Variants in ZEB1 observed in about 807,000 individuals in gnomAD.
The protein encoded by ZEB1 is zinc finger E-box-binding homeobox 1.
In ZEB1, 21 loss-of-function variants were observed where a neutral mutation model predicts 84.9. That is an observed-to-expected ratio of 0.25 (90% confidence interval 0.18 to 0.36). The LOEUF (loss-of-function observed/expected upper bound fraction) is 0.36, where lower values mean the gene tolerates loss of function less well. ZEB1 is among the 10% of genes least tolerant of loss of function. The pLI, the probability that ZEB1 is intolerant of heterozygous loss-of-function variation, is 1.00. For synonymous variants in ZEB1, 420 were observed against 471.1 expected, an observed-to-expected ratio of 0.89 and a Z score of 1.41; for missense variants, 1,104 against 1,330.2, an observed-to-expected ratio of 0.83 and a Z score of 2.65.
chr10:31,451,336 A>G (rs2137053354), intron 1 of ZEB1, among the ~76,000 whole-genome samples: 1 of 152,260 alleles, frequency 6.6e-6, no homozygotes, highest in African/African-American at 2.4e-5. Context: ...TTTTTTCTCT[A>G]GGATTAAGTA....
upstream of ZEB1, chr10:31,318,558 G>C (rs1276628999): frequency 6.5e-6 from 1 of 153,136 alleles, no homozygotes; most frequent in African/African-American, 2.4e-5. Context: ...GGAAGGGAAG[G>C]GAGTCCGGGC....
At chr10:31,404,157 C>G (rs149534) in intron 1 of ZEB1, among the ~76,000 whole-genome samples, 1 of 151,658 alleles carries the variant, frequency 6.6e-6, no homozygotes, top group African/African-American at 2.4e-5. Flanking sequence ...AAATTTATGA[C>G]TGAAGATTAT....
intron 2 of ZEB1, among the ~76,000 whole-genome samples, chr10:31,485,443 T>G (rs562060820): frequency 1.7e-4 from 26 of 152,034 alleles, no homozygotes; most frequent in African/African-American, 6.3e-4. Context: ...CGTTTGCCCT[T>G]ATCCACTGCC....
intron 1 of ZEB1, among the ~76,000 whole-genome samples, chr10:31,456,627 G>A (rs1447631494): frequency 6.6e-6 from 1 of 152,108 alleles, no homozygotes; most frequent in Admixed American, 6.6e-5. Context: ...AATGAAGTAT[G>A]TAGGCTGTGG....
intron 1 of ZEB1, among the ~76,000 whole-genome samples, chr10:31,449,782 A>T (rs1172386381): frequency 6.6e-6 from 1 of 152,136 alleles, no homozygotes; most frequent in African/African-American, 2.4e-5. Flanking sequence ...TTTCCTGAGT[A>T]TTTTAATGTG....
At chr10:31,434,382 TACTTA>T (rs1249376111) in intron 1 of ZEB1, among the ~76,000 whole-genome samples, 11 of 152,328 alleles carry the variant, frequency 7.2e-5, no homozygotes, top group African/African-American at 1.9e-4. Flanking sequence ...CTAGATAAAT[TACTTA>T]ACTTATTTGG....
At chr10:31,438,039 A>G (rs2058484047) in intron 1 of ZEB1, among the ~76,000 whole-genome samples, 1 of 152,234 alleles carries the variant, frequency 6.6e-6, no homozygotes, top group South Asian at 2.1e-4. Context: ...GGTTGAAACT[A>G]TTTAAATAAT....
intron 1 of ZEB1, among the ~76,000 whole-genome samples, chr10:31,408,835 G>T (rs1293506074): frequency 2.0e-5 from 3 of 150,498 alleles, no homozygotes; most frequent in African/African-American, 5.0e-5. Context: ...ATAGGCATGG[G>T]CAAGGACTTC....
intron 1 of ZEB1, among the ~76,000 whole-genome samples, chr10:31,445,626 GTGT>G (rs1312729701): frequency 6.6e-6 from 1 of 151,922 alleles, no homozygotes; most frequent in Non-Finnish European, 1.5e-5. Context: ...TTAGCATGAA[GTGT>G]TGTTGAATTT....
At chr10:31,351,201 A>G (rs1292812797) in intron 1 of ZEB1, among the ~76,000 whole-genome samples, 2 of 152,220 alleles carry the variant, frequency 1.3e-5, no homozygotes, top group African/African-American at 4.8e-5. Context: ...GAAAAGAAAT[A>G]TAGTAGTTGT....
At chr10:31,328,422 G>T (rs1220430044) in intron 1 of ZEB1, among the ~76,000 whole-genome samples, 1 of 152,044 alleles carries the variant, frequency 6.6e-6, no homozygotes, top group African/African-American at 2.4e-5. Flanking sequence ...CATGTTTTAA[G>T]TTTTCAACAC....
chr10:31,326,300 A>C (rs973143368), intron 1 of ZEB1, among the ~76,000 whole-genome samples: 2 of 152,120 alleles, frequency 1.3e-5, no homozygotes, highest in African/African-American at 4.8e-5. Flanking sequence ...AAGGCTGTCA[A>C]AATCACTGTA....
At chr10:31,375,091 A>ACACACACACACACG in intron 1 of ZEB1, 1 of 137,240 alleles carries the variant, frequency 7.3e-6, no homozygotes, top group Non-Finnish European at 1.6e-5. Flanking sequence ...ACACACACAC[A>ACACACACACACACG]GAGAAGCATA....
At chr10:31,498,997 TTA>T (rs1163525523) in intron 3 of ZEB1, among the ~76,000 whole-genome samples, 3 of 152,130 alleles carry the variant, frequency 2.0e-5, no homozygotes, top group Admixed American at 2.0e-4. Context: ...AAATAAAATT[TTA>T]TGTTATAACT....
chr10:31,402,738 G>A (rs2052296850), intron 1 of ZEB1, among the ~76,000 whole-genome samples: 1 of 151,978 alleles, frequency 6.6e-6, no homozygotes, highest in Non-Finnish European at 1.5e-5. Context: ...AGGATAAAGT[G>A]CTCAGTCTTG....
chr10:31,345,853 AAG>A (rs1268136774), intron 1 of ZEB1, among the ~76,000 whole-genome samples: 1 of 152,198 alleles, frequency 6.6e-6, no homozygotes, highest in Non-Finnish European at 1.5e-5. Context: ...TGTAAAAAGA[AAG>A]AAATTCTTTT....
In ZEB1 at chr10:31,521,723, T is replaced by G. The variant is rs552081232; in HGVS notation, c.2391T>G (p.Ser797Arg). The part of the protein sequence containing the change: ...SEPVVNVIPP[S>R]ANPINIAIPT... ...CAGTTGTAAATGTAATCCCACCAAGTGCCAACCCCATAAATATCGCTATAC... is the reference window on the plus strand; with the variant it reads ...CAGTTGTAAATGTAATCCCACCAAGGGCCAACCCCATAAATATCGCTATAC... Residue 797 changes from serine (S) to arginine (R), a missense_variant, in exon 7 of 9, where the codon AGT becomes AGG. Coordinates refer to ENST00000424869, the MANE Select transcript of ZEB1 (RefSeq NM_001174096.2). 4.3e-6 allele frequency: 7 copies of G among 1,614,170 alleles called. No individual in the cohort carries two copies. The South Asian group carries it at 7.7e-5, about 18-fold the overall frequency.
chr10:31,379,824 T>C (rs2047320889), intron 1 of ZEB1, among the ~76,000 whole-genome samples: 1 of 152,138 alleles, frequency 6.6e-6, no homozygotes, highest in Admixed American at 6.6e-5. Flanking sequence ...CCACATTTGC[T>C]TCATCTACTC....
intron 1 of ZEB1, among the ~76,000 whole-genome samples, chr10:31,413,871 C>T (rs1308373871): frequency 6.6e-6 from 1 of 152,104 alleles, no homozygotes; most frequent in South Asian, 2.1e-4. Flanking sequence ...CTTGGTCTTT[C>T]TGCCAATCTG....
Sources: gnomAD v4.1 joint callset for allele counts (sites outside exome capture counted in the v4.1 genomes callset) on GRCh38, gnomAD v4.1.1 for gene constraint, MANE v1.5 for transcripts, NCBI Gene and HGNC (gene_info 2026-07-23, HGNC 2026-07-21) for gene names.